PROX2: variants seen among roughly 807,000 people sequenced by gnomAD.
PROX2 encodes prospero homeobox 2.
Under a neutral mutation model 48.9 loss-of-function variants are expected in PROX2, and 46 were observed. The ratio of observed to expected loss-of-function variants is 0.94; its 90% CI spans 0.74 to 1.20. The LOEUF (loss-of-function observed/expected upper bound fraction) is 1.20. Among genes scored for constraint, PROX2 ranks in the 50% most tolerant of loss-of-function variants. The probability of loss-of-function intolerance (pLI) is 0.00; values close to 1 mark genes in which losing one functional copy is unlikely to be tolerated. For synonymous variants in PROX2, 260 were observed against 276.6 expected (o/e 0.94, Z 0.60); for missense variants, 663 against 719.4 (o/e 0.92, Z 0.90).
chr14:74,863,517 C>T lies in PROX2; in HGVS notation c.318G>A (p.Gln106=). 6.2e-7 allele frequency: 1 copy of T among 1,613,574 alleles called. No individual in the cohort carries two copies. Among genetic ancestry groups the T allele is most frequent in the Non-Finnish European group, 8.5e-7 (1 of 1,179,704 alleles). The change falls in exon 3 of 6, where the codon CAG becomes CAA. Residue 106 remains glutamine (Q), a synonymous_variant. Coordinates refer to ENST00000556489, the MANE Select transcript of PROX2 (RefSeq NM_001243007.2). ...PKKARERKRK[Q]NLPTPQGLLM... ...GGAGGCCTTGCGGTGTGGGAAGGTT[C>T]TGCTTCCTCTTCCTCTCTCGGGCCT... is the stretch of plus-strand genomic sequence containing the variant.
Position 74,863,534 on chromosome 14 carries a change from C to G in PROX2, c.301G>C (p.Glu101Gln), listed in dbSNP as rs1432710813. The G allele has an allele frequency of 6.2e-7, 1 of 1,613,588 alleles. No homozygotes were observed. The highest frequency in any genetic ancestry group is 1.7e-5 in the Admixed American group (1 of 59,970). The change falls in exon 3 of 6, where the codon GAG becomes CAG. Residue 101 changes from glutamate to glutamine, a missense_variant. Physicochemically the swap from Glu to Gln is conservative, Grantham distance 29 (BLOSUM62 2). Coordinates refer to ENST00000556489, the MANE Select transcript of PROX2 (RefSeq NM_001243007.2). Reference sequence around the variant, plus strand: ...GGAAGGTTCTGCTTCCTCTTCCTCTCTCGGGCCTTCTTTGGGCAGCGTGGG... The same window carrying G: ...GGAAGGTTCTGCTTCCTCTTCCTCTGTCGGGCCTTCTTTGGGCAGCGTGGG... ...VSPRCPKKARERKRKQNLPTP... is the reference protein window; with the variant it reads ...VSPRCPKKARQRKRKQNLPTP...
At chr14:74,872,436 A>G (rs770665749) in intron 1 of PROX2, among the ~76,000 whole-genome samples, 1 of 152,160 alleles carries the variant, frequency 6.6e-6, no homozygotes, top group Non-Finnish European at 1.5e-5. Flanking sequence ...TTATCCTGAA[A>G]CAGCTGCTTT....
chr14:74,874,250 A>ATT, intron 1 of PROX2: 1 of 323,466 alleles, frequency 3.1e-6, no homozygotes, highest in Admixed American at 4.2e-5. Flanking sequence ...GCATCATACA[A>ATT]GTTTTTTTTT....
At chr14:74,858,386 C>G in intron 4 of PROX2, 21 bp downstream of exon 4, 1 of 1,448,270 alleles carries the variant, frequency 6.9e-7, no homozygotes, top group Non-Finnish European at 9.5e-7. Context: ...CAGAAGCTGC[C>G]ATTTAGTTGA....
rs1424135880 is a variant in PROX2 at position 74,853,323 on chromosome 14, GTTC to G, written c.*1806_*1808del. On this transcript the variant is annotated 3_prime_UTR_variant, in exon 6 of 6. Coordinates refer to ENST00000556489, the MANE Select transcript of PROX2 (RefSeq NM_001243007.2). Reference sequence around the variant, plus strand: ...TATGTAATGTCACTCTGGATAGAGGGTTCTTCTACTATGTCCGGACACAGAAAA... The same window carrying G: ...TATGTAATGTCACTCTGGATAGAGGGTTCTACTATGTCCGGACACAGAAAA... 6.6e-6 allele frequency: 1 copy of G among 152,212 alleles called. No individual in the cohort carries two copies. The highest frequency in any genetic ancestry group is 2.4e-5 in the African/African-American group (1 of 41,438). 9.4% of individuals were successfully genotyped at this position (152,212 alleles called of 1,614,324 possible).
At chr14:74,873,971 G>A (rs928324504) in intron 1 of PROX2, 41 of 494,754 alleles carry the variant, frequency 8.3e-5, no homozygotes, top group African/African-American at 7.5e-4. Flanking sequence ...ATGTGGAAGA[G>A]TTTGAGTTAA....
intron 2 of PROX2, among the ~76,000 whole-genome samples, chr14:74,866,653 T>G (rs771547044): frequency 1.3e-5 from 2 of 152,108 alleles, no homozygotes; most frequent in Non-Finnish European, 2.9e-5. Context: ...ATCAACAGTT[T>G]TGGTGGAGTA....
chr14:74,865,285 C>A (rs1205637010), intron 2 of PROX2: 1 of 152,132 alleles, frequency 6.6e-6, no homozygotes, highest in Admixed American at 6.5e-5. Flanking sequence ...CTTCTGGGCT[C>A]ATGGAGTGAG....
chr14:74,857,109 C>G (rs1566777826), intron 4 of PROX2, 114 bp from the exon 5 acceptor site: 2 of 760,604 alleles, frequency 2.6e-6, no homozygotes, highest in East Asian at 5.0e-5. Context: ...CCAGCATTAA[C>G]AGGGGCTTCC....
Position 74,863,367 on chromosome 14 carries a change from G to A in PROX2, c.468C>T (p.Pro156=), listed in dbSNP as rs1242575230. The A allele has an allele frequency of 1.2e-6, 2 of 1,613,882 alleles. No homozygotes were observed. The highest frequency in any genetic ancestry group is 1.7e-6 in the Non-Finnish European group (2 of 1,179,896). ...CTCCTGGCCCCTGAGCTGTGTCCCT[G>A]GGCTTGGCAGCCTGTAGGATGTGCT... is the stretch of plus-strand genomic sequence containing the variant. ...LQEHILQAAK[P]RDTAQGPGGC... is the part of the protein sequence containing the mutation. The change falls in exon 3 of 6, where the codon CCC becomes CCT. Residue 156 remains proline, a synonymous_variant. Coordinates refer to ENST00000556489, the MANE Select transcript of PROX2 (RefSeq NM_001243007.2).
At chr14:74,875,719 C>T (rs1883326440) in intron 1 of PROX2, among the ~76,000 whole-genome samples, 176 bp downstream of exon 1, 1 of 152,098 alleles carries the variant, frequency 6.6e-6, no homozygotes, top group African/African-American at 2.4e-5. Flanking sequence ...AGTATTTCAG[C>T]CAACAAAAAT....
chr14:74,860,532 G>A (rs997186217), intron 3 of PROX2, among the ~76,000 whole-genome samples: 5 of 151,948 alleles, frequency 3.3e-5, no homozygotes, highest in Non-Finnish European at 5.9e-5. Context: ...TGCTCCCCTC[G>A]TGATCTTCAC....
intron 2 of PROX2, among the ~76,000 whole-genome samples, chr14:74,869,613 A>T (rs1883162204): frequency 6.6e-6 from 1 of 152,120 alleles, no homozygotes; most frequent in Admixed American, 6.6e-5. Flanking sequence ...TATTAATTGA[A>T]TTTTTACAAG....
At chr14:74,874,217 C>A in intron 1 of PROX2, 1 of 407,934 alleles carries the variant, frequency 2.5e-6, no homozygotes, top group South Asian at 1.8e-5. Flanking sequence ...GATATGATTT[C>A]AGAGCTTTGG....
chr14:74,870,997 A>G (rs572525082), intron 2 of PROX2, 106 bp downstream of exon 2: 2 of 152,316 alleles, frequency 1.3e-5, no homozygotes, highest in East Asian at 3.9e-4. Flanking sequence ...AGCCGAGATC[A>G]AGCCACTGCA....
At chr14:74,869,242 C>G (rs1448371730) in intron 2 of PROX2, among the ~76,000 whole-genome samples, 4 of 151,802 alleles carry the variant, frequency 2.6e-5, no homozygotes, top group Non-Finnish European at 4.4e-5. Context: ...TACCAACTGA[C>G]TGGGGGTAGA....
chr14:74,855,373 C>T, intron 5 of PROX2, 71 bp from the exon 6 acceptor site: 5 of 1,275,844 alleles, frequency 3.9e-6, no homozygotes, highest in South Asian at 1.9e-5. Context: ...AGAGCCCTCA[C>T]TAGCGGGTGC....
chr14:74,874,420 T>C (rs1883290276), intron 1 of PROX2, among the ~76,000 whole-genome samples: 1 of 151,360 alleles, frequency 6.6e-6, no homozygotes, highest in South Asian at 2.1e-4. Flanking sequence ...GTCCAGCTAG[T>C]TTTTGTATTT....
chr14:74,863,565 C>A lies in PROX2; in HGVS notation c.270G>T (p.Gly90=). ...NPLVPGNAQA[G]VSPRCPKKAR... The stretch of plus-strand genomic sequence containing the variant: ...CCTTCTTTGGGCAGCGTGGGCTGAC[C>A]CCAGCTTGCGCATTGCCTGGCACCA... The change falls in exon 3 of 6, where the codon GGG becomes GGT. Residue 90 remains glycine (G), a synonymous_variant. Coordinates refer to ENST00000556489, the MANE Select transcript of PROX2 (RefSeq NM_001243007.2). The A allele has an allele frequency of 6.2e-7, 1 of 1,613,236 alleles. No homozygotes were observed. Among genetic ancestry groups the A allele is most frequent in the Non-Finnish European group, 8.5e-7 (1 of 1,179,578 alleles).
Sources: gnomAD v4.1 joint callset for allele counts (sites outside exome capture counted in the v4.1 genomes callset) on GRCh38, gnomAD v4.1.1 for gene constraint, MANE v1.5 for transcripts, NCBI Gene and HGNC (gene_info 2026-07-23, HGNC 2026-07-21) for gene names.